Variants in NBEAL1 observed in about 807,000 individuals in gnomAD.
NBEAL1 encodes the protein neurobeachin-like protein 1.
Under a neutral mutation model 351.3 loss-of-function variants are expected in NBEAL1, and 273 were observed. That is an observed-to-expected ratio of 0.78 (90% CI 0.70 to 0.86). NBEAL1 has a LOEUF of 0.86. Ranked by LOEUF, NBEAL1 falls within the 40% of genes least tolerant of loss-of-function variation. The pLI is 0.00. For missense variants in NBEAL1, 2,961 were observed against 3,201.3 expected, an observed-to-expected ratio of 0.92 and a Z score of 1.81; for synonymous variants, 1,050 against 1,086.4, an observed-to-expected ratio of 0.97 and a Z score of 0.66.
chr2:203,193,921 T>G lies in NBEAL1; in HGVS notation c.7038+10T>G. On this transcript the variant is annotated intron_variant, in intron 47 of 55. Coordinates refer to ENST00000683969, the MANE Select transcript of NBEAL1 (RefSeq NM_001378026.1). ...GTCATTTTTTATAGAGGTAATATCC[T>G]ACTTGGTAATATCAAAAAGAGTTTT... is the stretch of plus-strand genomic sequence containing the variant. 7.0e-7 allele frequency: 1 copy of G among 1,422,660 alleles called. No individual in the cohort carries two copies. The highest frequency in any genetic ancestry group is 9.8e-7 in the Non-Finnish European group (1 of 1,018,500). The allele number at this position is 1,422,660 out of a possible 1,614,324, so 88.1% of individuals were successfully genotyped here.
chr2:203,113,130 G>A lies in NBEAL1; in HGVS notation c.2318G>A (p.Gly773Asp). 1 of 1,553,076 alleles carries A rather than the reference G, an allele frequency of 6.4e-7. No individual in the cohort carries two copies. The highest frequency in any genetic ancestry group is 8.7e-7 in the Non-Finnish European group (1 of 1,147,318). Reference sequence around the variant, plus strand: ...ATTACCCCTCATCGGACATCATTTGGTGGAATTCTGTCATCAGCCTCCTGG... The same window carrying A: ...ATTACCCCTCATCGGACATCATTTGATGGAATTCTGTCATCAGCCTCCTGG... ...SPITPHRTSF[G>D]GILSSASWGG... The change falls in exon 17 of 56, where the codon GGT becomes GAT. Residue 773 changes from glycine to aspartate, a missense_variant. By Grantham distance (94) the Gly-to-Asp change is moderately conservative (BLOSUM62 -1). Transcript: ENST00000683969.
At chr2:203,167,827 T>A (rs1234192857) in intron 38 of NBEAL1, among the ~76,000 whole-genome samples, 2 of 152,216 alleles carry the variant, frequency 1.3e-5, no homozygotes, top group African/African-American at 2.4e-5. Flanking sequence ...CTGAGAATGC[T>A]TGGGCCCGGC....
At chr2:203,103,349 C>T (rs1211211632) in intron 12 of NBEAL1, among the ~76,000 whole-genome samples, 1 of 152,036 alleles carries the variant, frequency 6.6e-6, no homozygotes, top group East Asian at 1.9e-4. Flanking sequence ...TCTCAGCTCA[C>T]TGCAACCTCC....
intron 10 of NBEAL1, among the ~76,000 whole-genome samples, chr2:203,087,812 T>C (rs956247845): frequency 6.6e-6 from 1 of 152,190 alleles, no homozygotes; most frequent in Non-Finnish European, 1.5e-5. Context: ...CTGTGGTCTA[T>C]TTGAAGGCAA....
rs746363125 is a variant in NBEAL1, at chr2:203,135,810, G to C, written c.3947G>C (p.Arg1316Thr). 1.3e-5 allele frequency: 21 copies of C among 1,613,484 alleles called. No individual in the cohort carries two copies. The highest frequency in any genetic ancestry group is 4.0e-5 in the African/African-American group (3 of 74,896). Reference sequence around the variant, plus strand: ...GGAAATACTCTTCATAAGCACAGTAGAGCTGTTTTAATGAAAGACAATGAT... The same window carrying C: ...GGAAATACTCTTCATAAGCACAGTACAGCTGTTTTAATGAAAGACAATGAT... ...ENGNTLHKHS[R>T]AVLMKDNDKN... The change falls in exon 28 of 56, where the codon AGA (arginine) becomes ACA (threonine). Residue 1316 changes from arginine to threonine, a missense_variant. Coordinates refer to ENST00000683969, the MANE Select transcript of NBEAL1 (RefSeq NM_001378026.1).
Position 203,151,564 on chromosome 2 carries a change from A to G in NBEAL1, c.5562A>G (p.Glu1854=), listed in dbSNP as rs369486186. 9 of 1,608,092 alleles carry G rather than the reference A, an allele frequency of 5.6e-6. No homozygotes were observed. The African/African-American group carries it at 1.1e-4, about 19-fold the overall frequency. Residue 1854 remains glutamate, a synonymous_variant, in exon 35 of 56, where the codon GAA becomes GAG. Coordinates refer to ENST00000683969, the MANE Select transcript of NBEAL1 (RefSeq NM_001378026.1). The part of the protein sequence containing the change: ...VPNYNFKTHE[E]ASALRDNLGI... ...ATTATAATTTCAAAACCCATGAGGAAGCTAGTGCCTTGAGAGATAATCTGG... is the reference window on the plus strand; with the variant it reads ...ATTATAATTTCAAAACCCATGAGGAGGCTAGTGCCTTGAGAGATAATCTGG...
chr2:203,150,534 C>T (rs978291819), intron 34 of NBEAL1, among the ~76,000 whole-genome samples: 5 of 151,850 alleles, frequency 3.3e-5, no homozygotes, highest in Admixed American at 1.3e-4. Context: ...CCTTTTGATA[C>T]AGGAAAGTTT....
chr2:203,186,492 A>G (rs2064900895), intron 44 of NBEAL1, among the ~76,000 whole-genome samples: 2 of 152,224 alleles, frequency 1.3e-5, no homozygotes, highest in Non-Finnish European at 2.9e-5. Context: ...TCAGAATTCC[A>G]GTAAGGACAT....
At chr2:203,091,593 C>T (rs1434344356) in intron 10 of NBEAL1, among the ~76,000 whole-genome samples, 1 of 152,116 alleles carries the variant, frequency 6.6e-6, no homozygotes, top group Admixed American at 6.6e-5. Flanking sequence ...ACCAACAGTG[C>T]ACAAAGTTTT....
At chr2:203,023,250 T>G (rs2060797662) in intron 2 of NBEAL1, among the ~76,000 whole-genome samples, 1 of 152,200 alleles carries the variant, frequency 6.6e-6, no homozygotes, top group South Asian at 2.1e-4. Context: ...CTCTGGTATG[T>G]GCAAAGTGTG....
At chr2:203,204,837 C>G (rs898432088) in intron 51 of NBEAL1, among the ~76,000 whole-genome samples, 3 of 152,070 alleles carry the variant, frequency 2.0e-5, no homozygotes, top group Non-Finnish European at 4.4e-5. Context: ...AGTGATTTGA[C>G]TGATTTCTGT....
At chr2:203,117,820 C>T (rs577470263) in intron 18 of NBEAL1, among the ~76,000 whole-genome samples, 1 of 151,478 alleles carries the variant, frequency 6.6e-6, no homozygotes, top group African/African-American at 2.4e-5. Context: ...GTAGCTAGGA[C>T]TACAGGCATG....
Position 203,133,130 on chromosome 2 carries a change from T to G in NBEAL1, c.3797T>G (p.Val1266Gly), listed in dbSNP as rs1278996163. Residue 1266 changes from valine (V) to glycine (G), a missense_variant, in exon 27 of 56, where the codon GTG (valine) becomes GGG (glycine). Physicochemically the swap from Val to Gly is moderately radical, Grantham distance 109. Coordinates refer to ENST00000683969, the MANE Select transcript of NBEAL1 (RefSeq NM_001378026.1). The stretch of plus-strand genomic sequence containing the variant: ...CACAGAGCACATATAAATGTTAGAG[T>G]GGCCATCTGCAGAAAGGTCAGTAAA... The part of the protein sequence containing the change: ...ISHRAHINVR[V>G]AICRKVLQIL... 4 of 1,488,422 alleles carry G rather than the reference T, an allele frequency of 2.7e-6. No individual in the cohort carries two copies. The African/African-American group carries it at 5.6e-5, about 21-fold the overall frequency. 92.2% of individuals were successfully genotyped at this position (1,488,422 alleles called of 1,614,324 possible).
intron 2 of NBEAL1, among the ~76,000 whole-genome samples, chr2:203,036,065 T>TA (rs1559322491): frequency 6.7e-6 from 1 of 149,222 alleles, no homozygotes; most frequent in African/African-American, 2.4e-5. Context: ...AGAGTCCAAG[T>TA]AATTTGGCTC....
intron 15 of NBEAL1, among the ~76,000 whole-genome samples, chr2:203,110,712 A>AATAAATAT (rs1462399479): frequency 4.8e-5 from 7 of 147,216 alleles, no homozygotes; most frequent in East Asian, 1.9e-4. Context: ...TAAATAAATA[A>AATAAATAT]ATATATAGAA....
rs184238311 is a variant in NBEAL1, at chr2:203,205,239, A to C, written c.7506+2458A>C. Among the ~76,000 whole-genome samples, 457 of 152,256 alleles carry C rather than the reference A, an allele frequency of 3.0e-3. 2 individuals are homozygous for C. The highest frequency in any genetic ancestry group is 4.5e-3 in the Non-Finnish European group (303 of 67,982). On this transcript the variant is annotated intron_variant, in intron 51 of 55. Transcript: ENST00000683969. Reference sequence around the variant, plus strand: ...TCAAACTTGTAAAAAATTTGCAAAAATAGTATATTTTGTATCATGTGTCTT... The same window carrying C: ...TCAAACTTGTAAAAAATTTGCAAAACTAGTATATTTTGTATCATGTGTCTT...
At chr2:203,077,374 GAAA>G (rs1452175684) in intron 7 of NBEAL1, among the ~76,000 whole-genome samples, 2 of 146,838 alleles carry the variant, frequency 1.4e-5, no homozygotes, top group African/African-American at 5.0e-5. Flanking sequence ...CATCTCAAAG[GAAA>G]AAAAAAAGAG....
In NBEAL1 at chr2:203,126,042, C is replaced by T; in HGVS notation, c.2934C>T (p.Gly978=). The change falls in exon 21 of 56, where the codon GGC becomes GGT. Residue 978 remains glycine (G), a synonymous_variant. Transcript: ENST00000683969. ...TTCAGAGACATCCTATCAACCAGGG[C>T]AATCTTATTCACTCCCATGGAGTTG... is the stretch of plus-strand genomic sequence containing the variant. ...HFIQRHPINQ[G]NLIHSHGVAT... 1 of 1,542,988 alleles carries T rather than the reference C, an allele frequency of 6.5e-7. No homozygotes were observed. The highest frequency in any genetic ancestry group is 8.7e-7 in the Non-Finnish European group (1 of 1,143,478).
chr2:203,134,289 T>C (rs1284629316), intron 27 of NBEAL1, among the ~76,000 whole-genome samples: 1 of 152,104 alleles, frequency 6.6e-6, no homozygotes, highest in Admixed American at 6.6e-5. Flanking sequence ...ATGTATAAAA[T>C]AGATATAAAA....
Sources: gnomAD v4.1 joint callset for allele counts (sites outside exome capture counted in the v4.1 genomes callset) on GRCh38, gnomAD v4.1.1 for gene constraint, MANE v1.5 for transcripts, NCBI Gene and HGNC (gene_info 2026-07-23, HGNC 2026-07-21) for gene names.